NSD2: variants seen among roughly 807,000 people sequenced by gnomAD.
NSD2 encodes the protein histone-lysine N-methyltransferase NSD2.
A neutral mutation model predicts 139.0 loss-of-function variants in NSD2; 12 were observed. That is an observed-to-expected ratio of 0.09 (90% CI 0.06 to 0.14). The LOEUF is 0.14. NSD2 is among the 10% of genes least tolerant of loss of function. The pLI is 1.00. For synonymous variants in NSD2, 669 were observed against 648.7 expected (o/e 1.03, Z -0.48); for missense variants, 1,155 against 1,745.0 (o/e 0.66, Z 6.02).
At chr4:1,952,807 C>G in intron 11 of NSD2, 2 of 1,185,044 alleles carry the variant, frequency 1.7e-6, no homozygotes, top group South Asian at 5.3e-5. Flanking sequence ...ACCTGCACAG[C>G]CGTGGCCCTT....
rs1723888898 is a variant in NSD2 at position 1,948,628 on chromosome 4, A to G, written c.1882-2444A>G. The G allele has an allele frequency of 3.8e-6, 4 of 1,061,516 alleles. No homozygotes were observed. The highest frequency in any genetic ancestry group is 3.4e-6 in the Non-Finnish European group (3 of 876,038). The allele number at this position is 1,061,516 out of a possible 1,614,324, so 65.8% of individuals were successfully genotyped here. ...TACTATTGTAAGGTCTATATTCTGT[A>G]TGTGGGTCCCAGACCCTGATCAGGA... On this transcript the variant is annotated intron_variant, in intron 9 of 21. Coordinates refer to ENST00000508803, the MANE Select transcript of NSD2 (RefSeq NM_001042424.3). The surrounding 1 kb of genome is among the most constrained non-coding windows in gnomAD (Gnocchi z 4.5).
rs937438754 is a variant in NSD2, at chr4:1,973,696, G to A, written c.3373-1167G>A. ...GAGATTGCACCAGGGCTGGGTGCGT[G>A]GGCAGTTGTGTCAGAGGCCGCGTGT... On this transcript the variant is annotated intron_variant, in intron 18 of 21. Coordinates refer to ENST00000508803, the MANE Select transcript of NSD2 (RefSeq NM_001042424.3). This position sits in a 1 kb window ranked among gnomAD's most constrained non-coding sequence, Gnocchi z 5.5. Among the ~76,000 whole-genome samples, 2 of 152,278 alleles carry A rather than the reference G, an allele frequency of 1.3e-5. No individual in the cohort carries two copies. Among genetic ancestry groups the A allele is most frequent in the African/African-American group, 4.8e-5 (2 of 41,484 alleles).
intron 1 of NSD2, among the ~76,000 whole-genome samples, chr4:1,882,170 C>T (rs750385663): frequency 6.6e-6 from 1 of 152,152 alleles, no homozygotes; most frequent in African/African-American, 2.4e-5. Context: ...AGGTGAAAAC[C>T]TTTCCTTTGT....
At chr4:1,886,013 A>G (rs1314400075) in intron 1 of NSD2, among the ~76,000 whole-genome samples, 1 of 152,226 alleles carries the variant, frequency 6.6e-6, no homozygotes, top group East Asian at 1.9e-4. Flanking sequence ...GAAAAGTGGA[A>G]GGATACATAC....
Position 1,978,955 on chromosome 4 carries a change from C to A in NSD2, c.*46C>A. On this transcript the variant is annotated 3_prime_UTR_variant, in exon 22 of 22. Coordinates refer to ENST00000508803, the MANE Select transcript of NSD2 (RefSeq NM_001042424.3). ...GGATCCAGGGGCGGTGCAGGGCGGC[C>A]GGCCCTGCCTGCGGGAGAGGGCGAG... The A allele has an allele frequency of 6.9e-7, 1 of 1,446,490 alleles. No homozygotes were observed. The highest frequency in any genetic ancestry group is 2.5e-5 in the East Asian group (1 of 39,528). 89.6% of individuals were successfully genotyped at this position (1,446,490 alleles called of 1,614,324 possible).
Position 1,980,171 on chromosome 4 carries a change from C to CTTT in NSD2, c.*1262_*1263insTTT, listed in dbSNP as rs1727616665. 4.3e-6 allele frequency: 1 copy of CTTT among 233,386 alleles called. No homozygotes were observed. Among genetic ancestry groups the CTTT allele is most frequent in the Non-Finnish European group, 8.5e-6 (1 of 118,082 alleles). The allele number at this position is 233,386 out of a possible 1,614,324, so 14.5% of individuals were successfully genotyped here. On this transcript the variant is annotated 3_prime_UTR_variant, in exon 22 of 22. Transcript: ENST00000508803. ...GGGCACTGGTCTAGGCCAGGTATGA[C>CTTT]ACCCACTCTCCTGTGAGATTTCACT...
intron 9 of NSD2, chr4:1,941,635 T>A: frequency 9.6e-7 from 1 of 1,038,802 alleles, no homozygotes; most frequent in Middle Eastern, 4.4e-4. Context: ...TTAATACACC[T>A]TCCTACATTT....
chr4:1,942,124 T>G lies in NSD2; in HGVS notation c.1881+2346T>G. On this transcript the variant is annotated intron_variant, in intron 9 of 21. Transcript: ENST00000508803. This position sits in a 1 kb window ranked among gnomAD's most constrained non-coding sequence, Gnocchi z 4.0. ...CTTTAGGTCATGTTGTAGTTTAAATTCTTCTTGAAAAAGGTATATGTGATA... is the reference window on the plus strand; with the variant it reads ...CTTTAGGTCATGTTGTAGTTTAAATGCTTCTTGAAAAAGGTATATGTGATA... The G allele has an allele frequency of 7.9e-7, 1 of 1,272,380 alleles. No individual in the cohort carries two copies. Among genetic ancestry groups the G allele is most frequent in the Non-Finnish European group, 9.9e-7 (1 of 1,005,594 alleles). 78.8% of individuals were successfully genotyped at this position (1,272,380 alleles called of 1,614,324 possible).
Position 1,981,633 on chromosome 4 carries a change from C to A in NSD2, c.*2724C>A. 1 of 384,268 alleles carries A rather than the reference C, an allele frequency of 2.6e-6. No individual in the cohort carries two copies. The highest frequency in any genetic ancestry group is 3.7e-5 in the East Asian group (1 of 27,264). 23.8% of individuals were successfully genotyped at this position (384,268 alleles called of 1,614,324 possible). A position where few individuals can be genotyped will look rare whatever the true frequency, so the allele number is the denominator to read the frequency against. ...CTGAAGTGAGAACCCAGCTGTCCGT[C>A]CTCAGGCCGGCCTTTCTTCCGGCGA... On this transcript the variant is annotated 3_prime_UTR_variant, in exon 22 of 22. Coordinates refer to ENST00000508803, the MANE Select transcript of NSD2 (RefSeq NM_001042424.3).
At position 1,978,939 on chromosome 4, in the gene NSD2, G is replaced by A; in HGVS notation, c.*30G>A. ...AGGCGGCCGCTTGGCCGGATCCAGG[G>A]GCGGTGCAGGGCGGCCGGCCCTGCC... On this transcript the variant is annotated 3_prime_UTR_variant, in exon 22 of 22. Coordinates refer to ENST00000508803, the MANE Select transcript of NSD2 (RefSeq NM_001042424.3). The A allele has an allele frequency of 1.4e-6, 2 of 1,458,144 alleles. No homozygotes were observed. Among genetic ancestry groups the A allele is most frequent in the Non-Finnish European group, 1.8e-6 (2 of 1,102,880 alleles). The allele number at this position is 1,458,144 out of a possible 1,614,324, so 90.3% of individuals were successfully genotyped here. A position where few individuals can be genotyped will look rare whatever the true frequency, so the allele number is the denominator to read the frequency against.
chr4:1,943,219 A>C (rs1723280203), intron 9 of NSD2: 1 of 1,041,414 alleles, frequency 9.6e-7, no homozygotes, highest in Non-Finnish European at 1.2e-6. Flanking sequence ...ATAAAAGCAG[A>C]AGGTGTGCTA....
chr4:1,890,503 G>A (rs1715447769), intron 1 of NSD2, among the ~76,000 whole-genome samples: 2 of 151,854 alleles, frequency 1.3e-5, no homozygotes, highest in African/African-American at 4.8e-5. Flanking sequence ...GGGTTTCACT[G>A]TGTTAGCCAG....
intron 1 of NSD2, among the ~76,000 whole-genome samples, chr4:1,897,026 C>G (rs1160760166): frequency 6.6e-6 from 1 of 151,706 alleles, no homozygotes; most frequent in East Asian, 1.9e-4. Context: ...ATTAGCTGGG[C>G]ATGGTGGCAA....
rs148164552 is a variant in NSD2 at position 1,980,431 on chromosome 4, C to G, written c.*1522C>G. Reference sequence around the variant, plus strand: ...TTTTTATGGCCTTTTCTTAAAATAACCTAAGGGGGACACATCCATCTTGCA... The same window carrying G: ...TTTTTATGGCCTTTTCTTAAAATAAGCTAAGGGGGACACATCCATCTTGCA... On this transcript the variant is annotated 3_prime_UTR_variant, in exon 22 of 22. Transcript: ENST00000508803. The G allele has an allele frequency of 4.3e-6, 1 of 233,098 alleles. No homozygotes were observed. The highest frequency in any genetic ancestry group is 2.2e-5 in the African/African-American group (1 of 45,402). 14.4% of individuals were successfully genotyped at this position (233,098 alleles called of 1,614,324 possible). A position where few individuals can be genotyped will look rare whatever the true frequency, so the allele number is the denominator to read the frequency against.
Position 1,955,375 on chromosome 4 carries a change from C to T in NSD2, c.2518+35C>T. 1 of 1,581,178 alleles carries T rather than the reference C, an allele frequency of 6.3e-7. No homozygotes were observed. Among genetic ancestry groups the T allele is most frequent in the Non-Finnish European group, 8.6e-7 (1 of 1,160,072 alleles). The stretch of plus-strand genomic sequence containing the variant: ...CTGGGGGTGTCTGCGGCACACGCCT[C>T]TCACACTCCCAGGAGCCACATATCA... On this transcript the variant is annotated intron_variant, in intron 13 of 21. Coordinates refer to ENST00000508803, the MANE Select transcript of NSD2 (RefSeq NM_001042424.3). The surrounding 1 kb of genome is among the most constrained non-coding windows in gnomAD (Gnocchi z 4.7).
intron 1 of NSD2, among the ~76,000 whole-genome samples, chr4:1,888,525 C>G (rs1202603058): frequency 6.7e-6 from 1 of 150,014 alleles, no homozygotes; most frequent in African/African-American, 2.5e-5. Context: ...ATGATTTTTT[C>G]CTCAGAATTT....
rs188019971 is a variant in NSD2, at chr4:1,916,389, A to G, written c.761-482A>G. On this transcript the variant is annotated intron_variant, in intron 3 of 21. Transcript: ENST00000508803. ...GAGACAGGGTCTAGCTCTGTCACCC[A>G]GGCTGGAGAGCAGTGGTATGATCTT... is the stretch of plus-strand genomic sequence containing the variant. Among the ~76,000 whole-genome samples, 7 of 152,058 alleles carry G rather than the reference A, an allele frequency of 4.6e-5. No individual in the cohort carries two copies. In the East Asian group the frequency reaches 1.2e-3, roughly 25 times the overall value.
chr4:1,952,747 A>C, intron 11 of NSD2: 1 of 1,086,724 alleles, frequency 9.2e-7, no homozygotes, highest in Non-Finnish European at 1.1e-6. Context: ...ATGTTACTGC[A>C]TCAGGTGTCG....
intron 1 of NSD2, among the ~76,000 whole-genome samples, chr4:1,872,637 C>CGAGAGAGAGAGCGA (rs1375337847): frequency 1.2e-5 from 1 of 81,746 alleles, no homozygotes; most frequent in Non-Finnish European, 2.5e-5. Flanking sequence ...AGAGAGAGAG[C>CGAGAGAGAGAGCGA]GCGCAGACCC....
Sources: gnomAD v4.1 joint callset for allele counts (sites outside exome capture counted in the v4.1 genomes callset) on GRCh38, gnomAD v4.1.1 for gene constraint, Gnocchi (gnomAD v3.1) non-coding constraint, MANE v1.5 for transcripts, NCBI Gene and HGNC (gene_info 2026-07-23, HGNC 2026-07-21) for gene names.